Variants in TMEM164 observed in about 807,000 individuals in gnomAD.
The protein encoded by TMEM164 is transmembrane protein 164.
TMEM164 carries 4 observed loss-of-function variants against 18.8 expected under a neutral mutation model. The observed-to-expected ratio is 0.21, with a 90% confidence interval of 0.10 to 0.49. The LOEUF is 0.49. Ranked by LOEUF, TMEM164 falls within the 20% of genes least tolerant of loss-of-function variation. TMEM164 has a pLI of 0.98. For synonymous variants in TMEM164, 86 were observed against 101.7 expected (o/e 0.85, Z 0.93); for missense variants, 108 against 239.9 (o/e 0.45, Z 3.63).
At chrX:110,083,858 T>A (rs1265936557) in intron 3 of TMEM164, among the ~76,000 whole-genome samples, 1 of 111,606 alleles carries the variant, frequency 9.0e-6, no homozygotes, top group Non-Finnish European at 1.9e-5. Context: ...CTATGCTTAA[T>A]TCTTATTTCT....
chrX:110,051,118 A>C (rs920417075), intron 2 of TMEM164, among the ~76,000 whole-genome samples: 3 of 111,511 alleles, frequency 2.7e-5, no homozygotes, highest in African/African-American at 9.8e-5. Context: ...CCTTCCTTTG[A>C]GGGGAATATA....
intron 2 of TMEM164, among the ~76,000 whole-genome samples, chrX:110,043,694 G>C (rs1935190205): frequency 1.8e-5 from 2 of 112,368 alleles, no homozygotes; most frequent in African/African-American, 6.5e-5. Context: ...TGTGTTGTAA[G>C]AAAAATTTAA....
chrX:110,021,930 T>C (rs774439358), intron 2 of TMEM164, among the ~76,000 whole-genome samples: 7 of 111,603 alleles, frequency 6.3e-5, no homozygotes, highest in Non-Finnish European at 1.3e-4. Context: ...CCTGCTAAAG[T>C]TTGGGACTAG....
At chrX:110,052,282 T>C (rs1569308087) in intron 2 of TMEM164, among the ~76,000 whole-genome samples, 1 of 111,663 alleles carries the variant, frequency 9.0e-6, no homozygotes. Context: ...AAATCCATTA[T>C]ATCTGGTATA....
At chrX:110,130,385 G>C (rs1398181907) in intron 4 of TMEM164, among the ~76,000 whole-genome samples, 1 of 111,798 alleles carries the variant, frequency 8.9e-6, no homozygotes, top group Non-Finnish European at 1.9e-5. Context: ...TAACCTCTTT[G>C]TGTCTCAGTT....
At position 110,017,618 on chromosome X, in the gene TMEM164, G is replaced by A. The variant is rs142740678; in HGVS notation, c.390+13454G>A. Among the ~76,000 whole-genome samples the A allele has an allele frequency of 7.4e-3, 707 of 95,093 alleles. 7 individuals carry two copies. Among genetic ancestry groups the A allele is most frequent in the African/African-American group, 0.026 (671 of 25,805 alleles). 82.6% of individuals were successfully genotyped at this position (95,093 alleles called of 115,157 possible). A position where few individuals can be genotyped will look rare whatever the true frequency, so the allele number is the denominator to read the frequency against. On this transcript the variant is annotated intron_variant, in intron 2 of 6. Coordinates refer to ENST00000372068, the MANE Select transcript of TMEM164 (RefSeq NM_032227.4). ...GAGTTTCACTCTTGTTGCCCAGGCTGGAGTACAATGGCATGATCTTGGCTC... is the reference window on the plus strand; with the variant it reads ...GAGTTTCACTCTTGTTGCCCAGGCTAGAGTACAATGGCATGATCTTGGCTC...
chrX:110,053,516 T>C (rs1437988260), intron 2 of TMEM164, among the ~76,000 whole-genome samples: 2 of 111,771 alleles, frequency 1.8e-5, no homozygotes, highest in Admixed American at 1.9e-4. Context: ...AAAAATACTT[T>C]CTTTTAAAAA....
chrX:110,163,330 C>T (rs1244721378), intron 5 of TMEM164, among the ~76,000 whole-genome samples: 1 of 112,310 alleles, frequency 8.9e-6, no homozygotes, highest in Non-Finnish European at 1.9e-5. Flanking sequence ...AAACAGGTGA[C>T]ATTAATTTTA....
chrX:110,144,402 T>C (rs772817323), intron 4 of TMEM164, among the ~76,000 whole-genome samples: 2 of 112,215 alleles, frequency 1.8e-5, no homozygotes, highest in East Asian at 5.6e-4. Context: ...AAAAAAAGAA[T>C]CACTTGCTAA....
intron 2 of TMEM164, among the ~76,000 whole-genome samples, chrX:110,033,162 A>G (rs770301653): frequency 5.3e-4 from 60 of 112,161 alleles, no homozygotes; most frequent in African/African-American, 1.9e-3. Flanking sequence ...TCTAACCAAT[A>G]GAAGACAATA....
At chrX:110,055,325 C>T (rs772018764) in intron 2 of TMEM164, 8 of 381,711 alleles carry the variant, frequency 2.1e-5, no homozygotes, top group Non-Finnish European at 3.7e-5. Context: ...CAAGCAGGGC[C>T]GCCACGAATG....
chrX:110,113,810 A>G (rs1438755010), intron 4 of TMEM164, among the ~76,000 whole-genome samples: 2 of 111,980 alleles, frequency 1.8e-5, no homozygotes, highest in Non-Finnish European at 3.8e-5. Flanking sequence ...TTTAAAGCTG[A>G]ACCCTAAAAG....
At chrX:110,084,475 T>TAG (rs1158179447) in intron 3 of TMEM164, among the ~76,000 whole-genome samples, 1 of 33,943 alleles carries the variant, frequency 2.9e-5, no homozygotes, top group South Asian at 1.6e-3. Context: ...TATATATATA[T>TAG]ATAGAGAGAG....
At chrX:110,065,038 A>G (rs1177024136) in intron 2 of TMEM164, 1 of 105,832 alleles carries the variant, frequency 9.4e-6, no homozygotes, top group Non-Finnish European at 1.9e-5. Flanking sequence ...CTATGCTGCT[A>G]TGCTGATGAT....
chrX:110,074,211 G>T (rs775845204), intron 3 of TMEM164, among the ~76,000 whole-genome samples: 1 of 111,535 alleles, frequency 9.0e-6, no homozygotes, highest in African/African-American at 3.3e-5. Context: ...CTCTGTTAGT[G>T]ATAAGAGATT....
intron 2 of TMEM164, among the ~76,000 whole-genome samples, chrX:110,034,539 G>A (rs1266373133): frequency 8.9e-6 from 1 of 112,269 alleles, no homozygotes; most frequent in East Asian, 2.8e-4. Context: ...AATGTGTGTG[G>A]CAGTGTTCTA....
chrX:110,108,263 T>C (rs989540423), intron 3 of TMEM164, among the ~76,000 whole-genome samples: 1 of 110,397 alleles, frequency 9.1e-6, no homozygotes, highest in Non-Finnish European at 1.9e-5. Context: ...CTCTTAGTAG[T>C]AAAGAACCAT....
intron 4 of TMEM164, among the ~76,000 whole-genome samples, chrX:110,132,994 C>T (rs138793006): frequency 0.025 from 2,841 of 111,771 alleles, 34 homozygotes; most frequent in Non-Finnish European, 0.043. Flanking sequence ...AAATTTATTT[C>T]CTCACAGTTC....
At chrX:110,167,072 G>A (rs1156283033) in intron 5 of TMEM164, among the ~76,000 whole-genome samples, 3 of 112,376 alleles carry the variant, frequency 2.7e-5, no homozygotes, top group Admixed American at 9.4e-5. Context: ...CTCCTTCATA[G>A]AGAAGATCAC....
Sources: gnomAD v4.1 joint callset for allele counts (sites outside exome capture counted in the v4.1 genomes callset) on GRCh38, gnomAD v4.1.1 for gene constraint, MANE v1.5 for transcripts, NCBI Gene and HGNC (gene_info 2026-07-23, HGNC 2026-07-21) for gene names.